Variants in FSD1L observed in about 807,000 individuals in gnomAD.
FSD1L encodes FSD1-like protein.
Under a neutral mutation model 71.6 loss-of-function variants are expected in FSD1L, and 45 were observed. The observed-to-expected ratio is 0.63, with a 90% CI of 0.49 to 0.81. The LOEUF is 0.81. Ranked by LOEUF, FSD1L falls within the 30% of genes least tolerant of loss-of-function variation. The pLI, the probability that FSD1L is intolerant of heterozygous loss-of-function variation, is 0.00. For missense variants in FSD1L, 561 were observed against 618.1 expected, an observed-to-expected ratio of 0.91 and a Z score of 0.98; for synonymous variants, 197 against 207.2, an observed-to-expected ratio of 0.95 and a Z score of 0.42.
At chr9:105,479,132 A>G (rs1832005558) in intron 5 of FSD1L, among the ~76,000 whole-genome samples, 1 of 152,174 alleles carries the variant, frequency 6.6e-6, no homozygotes, top group African/African-American at 2.4e-5. Context: ...TTCCTCCTAA[A>G]AGGTGATTTT....
chr9:105,491,191 A>C (rs376614248), intron 7 of FSD1L, among the ~76,000 whole-genome samples: 1 of 151,616 alleles, frequency 6.6e-6, no homozygotes, highest in Non-Finnish European at 1.5e-5. Flanking sequence ...TTGAGCAGTG[A>C]TTTGTAGTTC....
chr9:105,463,140 C>T (rs962020615), intron 2 of FSD1L, among the ~76,000 whole-genome samples: 6 of 41,998 alleles, frequency 1.4e-4, no homozygotes, highest in Non-Finnish European at 2.8e-4. Context: ...AACTCTGTCT[C>T]GAGAAAAAAA....
At chr9:105,517,529 T>C (rs574161913) in intron 10 of FSD1L, among the ~76,000 whole-genome samples, 4 of 152,156 alleles carry the variant, frequency 2.6e-5, no homozygotes, top group Non-Finnish European at 5.9e-5. Flanking sequence ...AGAAAAGAAT[T>C]TTCAACCCAG....
chr9:105,551,215 C>T lies in FSD1L; in HGVS notation c.*4732C>T, dbSNP rs1273042927. The T allele has an allele frequency of 1.3e-5, 2 of 151,936 alleles. No individual in the cohort carries two copies. Among genetic ancestry groups the T allele is most frequent in the Non-Finnish European group, 2.9e-5 (2 of 67,964 alleles). 9.4% of individuals were successfully genotyped at this position (151,936 alleles called of 1,614,324 possible). On this transcript the variant is annotated 3_prime_UTR_variant, in exon 14 of 14. Transcript: ENST00000481272. The stretch of plus-strand genomic sequence containing the variant: ...TTTATAACTAATTCATACTATAAGA[C>T]AGATAATAGCTAAAGTTTTGGAATA...
At chr9:105,520,803 C>G (rs1047858320) in intron 10 of FSD1L, 2 of 1,612,356 alleles carry the variant, frequency 1.2e-6, no homozygotes, top group East Asian at 4.5e-5. Flanking sequence ...TTAAGAAACT[C>G]AAGTCACTAT....
chr9:105,532,209 A>G (rs1835937698), intron 10 of FSD1L, among the ~76,000 whole-genome samples: 1 of 152,210 alleles, frequency 6.6e-6, no homozygotes, highest in Non-Finnish European at 1.5e-5. Flanking sequence ...GGCAAATGTA[A>G]TGTTATCTTT....
rs151305127 is a variant in FSD1L at position 105,517,017 on chromosome 9, T to C, written c.1025+4081T>C. On this transcript the variant is annotated intron_variant, in intron 10 of 13. Transcript: ENST00000481272. Reference sequence around the variant, plus strand: ...GAGCTGAAAAACACAGCACGAGAACTTCGTGAAGCAAACAAAAGTATCAAT... The same window carrying C: ...GAGCTGAAAAACACAGCACGAGAACCTCGTGAAGCAAACAAAAGTATCAAT... Among the ~76,000 whole-genome samples, 1,386 of 152,164 alleles carry C rather than the reference T, an allele frequency of 9.1e-3. 19 individuals carry two copies. The highest frequency in any genetic ancestry group is 0.012 in the Non-Finnish European group (843 of 68,018).
At chr9:105,469,030 T>A (rs1831262125) in intron 4 of FSD1L, among the ~76,000 whole-genome samples, 1 of 152,240 alleles carries the variant, frequency 6.6e-6, no homozygotes, top group African/African-American at 2.4e-5. Context: ...TTTGTCCTTT[T>A]GTGACCTATT....
chr9:105,495,969 TA>T (rs753244834), intron 7 of FSD1L, among the ~76,000 whole-genome samples: 35,355 of 134,910 alleles, frequency 0.26, 4,615 homozygotes, highest in Non-Finnish European at 0.33. Flanking sequence ...AGACTCCATC[TA>T]AAAAAAAAAA....
intron 7 of FSD1L, among the ~76,000 whole-genome samples, chr9:105,505,551 G>T (rs1247591726): frequency 2.6e-5 from 4 of 152,136 alleles, no homozygotes; most frequent in African/African-American, 9.7e-5. Flanking sequence ...GAGCCACTGC[G>T]CCTGGCCTGT....
chr9:105,455,364 C>G (rs959686002), intron 1 of FSD1L, among the ~76,000 whole-genome samples: 1 of 151,730 alleles, frequency 6.6e-6, no homozygotes, highest in Non-Finnish European at 1.5e-5. Flanking sequence ...GCCTCTTGAA[C>G]CTGGTGCCAT....
intron 7 of FSD1L, among the ~76,000 whole-genome samples, chr9:105,487,682 C>CATTT (rs1451035648): frequency 6.6e-6 from 1 of 152,028 alleles, no homozygotes; most frequent in Non-Finnish European, 1.5e-5. Context: ...TCACCTTGAT[C>CATTT]ATTTGCCTGT....
At chr9:105,520,912 T>C (rs1368891537) in intron 10 of FSD1L, 3 of 1,612,074 alleles carry the variant, frequency 1.9e-6, no homozygotes, top group Non-Finnish European at 2.5e-6. Context: ...TACATAGTCA[T>C]TCAGGTAAAA....
At chr9:105,459,312 C>T (rs1232196226) in intron 1 of FSD1L, among the ~76,000 whole-genome samples, 1 of 152,106 alleles carries the variant, frequency 6.6e-6, no homozygotes, top group African/African-American at 2.4e-5. Flanking sequence ...ACTTGTTTTC[C>T]AGTTCTACTG....
At position 105,513,404 on chromosome 9, in the gene FSD1L, TAA is replaced by T. The variant is rs145972941; in HGVS notation, c.1025+470_1025+471del. ...TACTGTCATAACTAACTTATTTAAA[TAA>T]AGTCAAAACATGGGATCCTCTTTCT... On this transcript the variant is annotated intron_variant, in intron 10 of 13. Transcript: ENST00000481272. Among the ~76,000 whole-genome samples the T allele has an allele frequency of 9.0e-3, 1,375 of 152,306 alleles. 21 individuals carry two copies. Among genetic ancestry groups the T allele is most frequent in the African/African-American group, 0.032 (1,318 of 41,556 alleles).
chr9:105,455,404 A>ATGAAGTCACCTAATTCAAAGGACAGGTCT lies in FSD1L; in HGVS notation c.16-6115_16-6087dup, dbSNP rs1224718820. Among the ~76,000 whole-genome samples, 522 of 152,328 alleles carry ATGAAGTCACCTAATTCAAAGGACAGGTCT rather than the reference A, an allele frequency of 3.4e-3. 2 individuals carry two copies. Among genetic ancestry groups the ATGAAGTCACCTAATTCAAAGGACAGGTCT allele is most frequent in the Non-Finnish European group, 5.2e-3 (356 of 68,024 alleles). ...ACTGGAGTCGATGGAGGGGTTCAGC[A>ATGAAGTCACCTAATTCAAAGGACAGGTCT]TGAAGTCACCTAATTCAAAGGACAG... On this transcript the variant is annotated intron_variant, in intron 1 of 13. Transcript: ENST00000481272.
intron 9 of FSD1L, among the ~76,000 whole-genome samples, chr9:105,510,758 G>A (rs1399830370): frequency 2.6e-5 from 4 of 152,074 alleles, no homozygotes; most frequent in Admixed American, 2.6e-4. Flanking sequence ...GAAGGTAAAT[G>A]ATATTAAATT....
upstream of FSD1L, among the ~76,000 whole-genome samples, chr9:105,443,799 T>C (rs899357950): frequency 5.9e-5 from 9 of 152,192 alleles, no homozygotes; most frequent in African/African-American, 1.9e-4. Flanking sequence ...GTTTCTATGG[T>C]TGGGAAGAGA....
chr9:105,459,725 A>T (rs909960238), intron 1 of FSD1L, among the ~76,000 whole-genome samples: 1 of 152,176 alleles, frequency 6.6e-6, no homozygotes, highest in Non-Finnish European at 1.5e-5. Context: ...CAGGTTTACT[A>T]ATGTATTCGG....
Sources: gnomAD v4.1 joint callset for allele counts (sites outside exome capture counted in the v4.1 genomes callset) on GRCh38, gnomAD v4.1.1 for gene constraint, MANE v1.5 for transcripts, NCBI Gene and HGNC (gene_info 2026-07-23, HGNC 2026-07-21) for gene names.